Variants in XIRP2 observed in about 807,000 individuals in gnomAD.
XIRP2 encodes xin actin binding repeat containing 2.
Under a neutral mutation model 277.0 loss-of-function variants are expected in XIRP2, and 236 were observed. That is an observed-to-expected ratio of 0.85 (90% confidence interval 0.77 to 0.95). The LOEUF (loss-of-function observed/expected upper bound fraction) is 0.95. Among genes scored for constraint, XIRP2 ranks in the 40% least tolerant of loss-of-function variants. XIRP2 has a pLI of 0.00. For missense variants in XIRP2, 4,640 were observed against 4,157.5 expected, an observed-to-expected ratio of 1.12 and a Z score of -3.19; for synonymous variants, 1,490 against 1,416.5, an observed-to-expected ratio of 1.05 and a Z score of -1.17.
intron 2 of XIRP2, among the ~76,000 whole-genome samples, chr2:166,976,745 A>G (rs1574130308): frequency 6.6e-6 from 1 of 152,140 alleles, no homozygotes; most frequent in Non-Finnish European, 1.5e-5. Flanking sequence ...AAAACTAGCC[A>G]TTTCCGTTGT....
At chr2:167,141,318 C>T (rs1691711107) in intron 3 of XIRP2, among the ~76,000 whole-genome samples, 1 of 151,966 alleles carries the variant, frequency 6.6e-6, no homozygotes, top group African/African-American at 2.4e-5. Context: ...GTATTGAGTG[C>T]CTATTTGTGG....
At chr2:167,032,986 C>A (rs1558956087) in intron 2 of XIRP2, among the ~76,000 whole-genome samples, 1 of 152,154 alleles carries the variant, frequency 6.6e-6, no homozygotes, top group Admixed American at 6.5e-5. Context: ...CATAAAGACA[C>A]ATGCACACAT....
intron 2 of XIRP2, among the ~76,000 whole-genome samples, chr2:167,039,250 T>G (rs1479110121): frequency 6.6e-6 from 1 of 152,206 alleles, no homozygotes; most frequent in Non-Finnish European, 1.5e-5. Flanking sequence ...AAAAAAGTTT[T>G]TCTCAGTAAT....
chr2:167,177,738 C>T (rs73025722), intron 3 of XIRP2, among the ~76,000 whole-genome samples: 15,047 of 152,172 alleles, frequency 0.099, 798 homozygotes, highest in South Asian at 0.16. Context: ...ACAGTACTCT[C>T]GTATACCAGT....
chr2:166,940,191 T>C (rs1685664543), intron 2 of XIRP2, among the ~76,000 whole-genome samples: 1 of 152,202 alleles, frequency 6.6e-6, no homozygotes, highest in African/African-American at 2.4e-5. Flanking sequence ...TTCATTTCCT[T>C]CATTTGATCT....
chr2:167,253,940 A>C, intron 9 of XIRP2, 92 bp from the exon 10 acceptor site: 1,018 of 1,151,604 alleles, frequency 8.8e-4, no homozygotes, highest in Non-Finnish European at 1.0e-3. Context: ...CTTTAACCGC[A>C]TGGCCAGTTA....
Position 167,007,703 on chromosome 2 carries a change from T to TCTCTCTCTCA in XIRP2, c.408+103814_408+103815insTCTCTCTCAC, listed in dbSNP as rs1389098863. Among the ~76,000 whole-genome samples the TCTCTCTCTCA allele has an allele frequency of 2.3e-5, 3 of 130,158 alleles. No homozygotes were observed. The East Asian group carries it at 7.6e-4, about 33-fold the overall frequency. The allele number at this position is 130,158 out of a possible 152,430, so 85.4% of individuals were successfully genotyped here. ...CACTCTCTCTCTCTCTCTCTCTCTC[T>TCTCTCTCTCA]CACACACACACACACACACACACAC... On this transcript the variant is annotated intron_variant, in intron 2 of 10. Transcript: ENST00000409195.
At chr2:167,090,483 T>G (rs1690108166) in intron 2 of XIRP2, among the ~76,000 whole-genome samples, 1 of 152,136 alleles carries the variant, frequency 6.6e-6, no homozygotes, top group African/African-American at 2.4e-5. Context: ...ATGCTTTCTG[T>G]TTTTATTTGT....
chr2:167,205,355 T>A (rs1693825647), intron 3 of XIRP2, among the ~76,000 whole-genome samples: 1 of 152,214 alleles, frequency 6.6e-6, no homozygotes, highest in African/African-American at 2.4e-5. Flanking sequence ...TATACAAACC[T>A]TATTAATTAT....
chr2:166,946,186 G>A (rs551802965), intron 2 of XIRP2, among the ~76,000 whole-genome samples: 21 of 152,170 alleles, frequency 1.4e-4, no homozygotes, highest in African/African-American at 4.8e-4. Flanking sequence ...AAAATGAAAG[G>A]CCATGAGCTA....
At chr2:167,199,263 G>A (rs1313563829) in intron 3 of XIRP2, among the ~76,000 whole-genome samples, 1 of 152,098 alleles carries the variant, frequency 6.6e-6, no homozygotes, top group East Asian at 1.9e-4. Flanking sequence ...AATGATTTAA[G>A]GTAATAATCA....
At chr2:167,206,489 G>C (rs777266317) in intron 3 of XIRP2, among the ~76,000 whole-genome samples, 2 of 151,958 alleles carry the variant, frequency 1.3e-5, no homozygotes, top group Non-Finnish European at 2.9e-5. Flanking sequence ...TCTCGTCTTT[G>C]ACAGATGTCT....
chr2:167,076,879 C>G (rs550043476), intron 2 of XIRP2, among the ~76,000 whole-genome samples: 1 of 152,000 alleles, frequency 6.6e-6, no homozygotes, highest in Non-Finnish European at 1.5e-5. Flanking sequence ...TCTCTTAGGT[C>G]GGAGTGCAGT....
intron 1 of XIRP2, among the ~76,000 whole-genome samples, chr2:166,893,682 T>C (rs546373642): frequency 8.5e-5 from 13 of 152,296 alleles, no homozygotes; most frequent in African/African-American, 2.6e-4. Context: ...CTGGGCACAT[T>C]TTCTTTTTTA....
rs1695784473 is a variant in XIRP2 at position 167,259,507 on chromosome 2, AT to A, written c.*1693del. 1.3e-6 allele frequency: 1 copy of A among 745,290 alleles called. No homozygotes were observed. Among genetic ancestry groups the A allele is most frequent in the Non-Finnish European group, 2.1e-6 (1 of 483,126 alleles). 46.2% of individuals were successfully genotyped at this position (745,290 alleles called of 1,614,324 possible). A position where few individuals can be genotyped will look rare whatever the true frequency, so the allele number is the denominator to read the frequency against. Reference sequence around the variant, plus strand: ...AATCTCGTGTCTATCTCAATGGGATATTTCTTGTATTACACCTTGTCATTTT... The same window carrying A: ...AATCTCGTGTCTATCTCAATGGGATATTCTTGTATTACACCTTGTCATTTT... On this transcript the variant is annotated 3_prime_UTR_variant, in exon 11 of 11. Transcript: ENST00000409195.
intron 2 of XIRP2, among the ~76,000 whole-genome samples, chr2:166,968,075 G>T: frequency 6.6e-6 from 1 of 152,026 alleles, no homozygotes; most frequent in African/African-American, 2.4e-5. Flanking sequence ...TGAATTTCTA[G>T]AATTTCAAGA....
Position 167,154,731 on chromosome 2 carries a change from G to A in XIRP2, c.562+18669G>A, listed in dbSNP as rs564596164. Among the ~76,000 whole-genome samples the A allele has an allele frequency of 2.0e-5, 3 of 152,066 alleles. No homozygotes were observed. In the South Asian group the frequency reaches 6.2e-4, roughly 32 times the overall value. ...ACATTCAAAAGCTGGCAGAAGGCAA[G>A]AAATAACTAAAATCAGAGCAGAACT... On this transcript the variant is annotated intron_variant, in intron 3 of 10. Transcript: ENST00000409195.
chr2:167,245,677 A>C lies in XIRP2; in HGVS notation c.4285A>C (p.Asn1429His). The C allele has an allele frequency of 6.2e-7, 1 of 1,613,584 alleles. No homozygotes were observed. Among genetic ancestry groups the C allele is most frequent in the Non-Finnish European group, 8.5e-7 (1 of 1,179,708 alleles). ...KTSRQFFESENFDKNNYIRTV... is the reference protein window; with the variant it reads ...KTSRQFFESEHFDKNNYIRTV... ...AAGTAGACAATTCTTTGAGTCTGAAAATTTTGATAAGAATAACTATATACG... is the reference window on the plus strand; with the variant it reads ...AAGTAGACAATTCTTTGAGTCTGAACATTTTGATAAGAATAACTATATACG... Residue 1429 changes from asparagine to histidine, a missense_variant, in exon 9 of 11, where the codon AAT (asparagine) becomes CAT (histidine). Coordinates refer to ENST00000409195, the MANE Select transcript of XIRP2 (RefSeq NM_152381.6).
intron 2 of XIRP2, among the ~76,000 whole-genome samples, chr2:167,086,859 A>C (rs1689961908): frequency 6.6e-6 from 1 of 151,580 alleles, no homozygotes; most frequent in African/African-American, 2.4e-5. Flanking sequence ...TTTTTTTCAA[A>C]GTTTTCAACT....
Sources: gnomAD v4.1 joint callset for allele counts (sites outside exome capture counted in the v4.1 genomes callset) on GRCh38, gnomAD v4.1.1 for gene constraint, MANE v1.5 for transcripts, NCBI Gene and HGNC (gene_info 2026-07-23, HGNC 2026-07-21) for gene names.